The following PCLO variants were observed in gnomAD, a reference collection of about 807,000 sequenced individuals.
The protein encoded by PCLO is piccolo presynaptic cytomatrix protein, also known as protein piccolo.
Under a neutral mutation model 427.5 loss-of-function variants are expected in PCLO, and 82 were observed. The ratio of observed to expected loss-of-function variants is 0.19; its 90% confidence interval spans 0.16 to 0.23. PCLO has a LOEUF of 0.23. Ranked by LOEUF, PCLO falls within the 10% of genes least tolerant of loss-of-function variation. The pLI, the probability that PCLO is intolerant of heterozygous loss-of-function variation, is 1.00. For synonymous variants in PCLO, 2,357 were observed against 2,155.4 expected, an observed-to-expected ratio of 1.09 and a Z score of -2.59; for missense variants, 6,239 against 6,115.9, an observed-to-expected ratio of 1.02 and a Z score of -0.67.
intron 10 of PCLO, among the ~76,000 whole-genome samples, chr7:82,873,787 T>G (rs1793298739): frequency 6.6e-6 from 1 of 151,112 alleles, no homozygotes; most frequent in African/African-American, 2.4e-5. Flanking sequence ...ACTCAGTCAC[T>G]GCACAGGAAG....
intron 22 of PCLO, among the ~76,000 whole-genome samples, chr7:82,790,843 A>G (rs1367286809): frequency 3.9e-5 from 6 of 152,232 alleles, no homozygotes; most frequent in Non-Finnish European, 8.8e-5. Context: ...TAAAACCTGT[A>G]TAACAACATA....
intron 3 of PCLO, among the ~76,000 whole-genome samples, chr7:83,099,846 GTT>G (rs1175703864): frequency 2.2e-5 from 1 of 45,176 alleles, no homozygotes; most frequent in Non-Finnish European, 4.2e-5. Flanking sequence ...TTCTGCTGCT[GTT>G]GTCGTTAAAT....
intron 3 of PCLO, among the ~76,000 whole-genome samples, chr7:83,093,492 A>ATATATTTT: frequency 6.1e-4 from 36 of 59,230 alleles, no homozygotes; most frequent in East Asian, 2.2e-3. Flanking sequence ...ATATATATAT[A>ATATATTTT]TTTTTTTTTT....
At chr7:82,874,944 A>G (rs1793334576) in intron 10 of PCLO, among the ~76,000 whole-genome samples, 1 of 152,192 alleles carries the variant, frequency 6.6e-6, no homozygotes, top group African/African-American at 2.4e-5. Context: ...TTAAAATTGT[A>G]ATCCTAAATC....
At chr7:83,050,002 C>T (rs532770353) in intron 3 of PCLO, among the ~76,000 whole-genome samples, 3 of 150,720 alleles carry the variant, frequency 2.0e-5, no homozygotes, top group Non-Finnish European at 3.0e-5. Context: ...TATGATCTTC[C>T]GCTTCCTGAC....
intron 6 of PCLO, among the ~76,000 whole-genome samples, chr7:82,944,534 T>C (rs1291053971): frequency 2.6e-5 from 4 of 151,696 alleles, no homozygotes; most frequent in Admixed American, 6.6e-5. Flanking sequence ...GCCATAGAGA[T>C]AGAGTACTAA....
intron 2 of PCLO, among the ~76,000 whole-genome samples, chr7:83,139,477 C>A (rs1256646948): frequency 6.6e-6 from 1 of 152,106 alleles, no homozygotes; most frequent in Admixed American, 6.5e-5. Flanking sequence ...TGATGTATAT[C>A]AACACTGGGA....
At chr7:82,937,024 T>C (rs7784482) in intron 6 of PCLO, among the ~76,000 whole-genome samples, 4,024 of 151,670 alleles carry the variant, frequency 0.027, 187 homozygotes, top group African/African-American at 0.092. Context: ...GCTGAATGGG[T>C]ATAGGATTTT....
At chr7:82,827,029 TAAATGTTTCA>T (rs1243168648) in intron 17 of PCLO, among the ~76,000 whole-genome samples, 1 of 152,102 alleles carries the variant, frequency 6.6e-6, no homozygotes, top group Non-Finnish European at 1.5e-5. Flanking sequence ...AGTATTGGAT[TAAATGTTTCA>T]GCAATTTCCA....
At chr7:82,948,998 T>A (rs1359808632) in intron 6 of PCLO, among the ~76,000 whole-genome samples, 1 of 152,172 alleles carries the variant, frequency 6.6e-6, no homozygotes, top group Non-Finnish European at 1.5e-5. Context: ...ACTGACCAGA[T>A]AATTTCTAAG....
At chr7:83,037,780 T>C (rs1291202712) in intron 3 of PCLO, among the ~76,000 whole-genome samples, 1 of 150,610 alleles carries the variant, frequency 6.6e-6, no homozygotes, top group African/African-American at 2.4e-5. Flanking sequence ...CACTATTTAA[T>C]TCCATTTTAA....
chr7:82,822,180 A>T, intron 20 of PCLO: 1 of 1,134,956 alleles, frequency 8.8e-7, no homozygotes, highest in Non-Finnish European at 1.1e-6. Context: ...TTTAAGCGCA[A>T]ACAAAAAGGA....
At chr7:83,116,923 T>C (rs1308979455) in intron 3 of PCLO, among the ~76,000 whole-genome samples, 2 of 152,086 alleles carry the variant, frequency 1.3e-5, no homozygotes, top group East Asian at 1.9e-4. Flanking sequence ...CAATATCCAA[T>C]ATATGGAATC....
chr7:82,787,046 T>C (rs1401678599), intron 22 of PCLO, among the ~76,000 whole-genome samples: 3 of 152,140 alleles, frequency 2.0e-5, no homozygotes, highest in African/African-American at 7.2e-5. Context: ...ACAATAAACA[T>C]ACGTGTGCAT....
intron 20 of PCLO, among the ~76,000 whole-genome samples, chr7:82,819,920 A>AT (rs756949180): frequency 2.0e-5 from 3 of 152,144 alleles, no homozygotes; most frequent in Non-Finnish European, 4.4e-5. Context: ...GTACTATCCT[A>AT]TTTTAAAAAA....
At chr7:83,122,365 A>C (rs1432198486) in intron 3 of PCLO, among the ~76,000 whole-genome samples, 5 of 149,086 alleles carry the variant, frequency 3.4e-5, no homozygotes, top group African/African-American at 1.2e-4. Flanking sequence ...GGTTCACTGC[A>C]ACCTCTGACT....
chr7:82,806,670 G>C (rs1208245412), intron 20 of PCLO, among the ~76,000 whole-genome samples: 1 of 152,178 alleles, frequency 6.6e-6, no homozygotes, highest in Non-Finnish European at 1.5e-5. Context: ...TCTTCCGCCA[G>C]AGAGAGTGAA....
chr7:82,872,945 GTGGATACATACATAACAC>G (rs889998813), intron 10 of PCLO, among the ~76,000 whole-genome samples: 3 of 152,102 alleles, frequency 2.0e-5, no homozygotes, highest in African/African-American at 7.2e-5. Context: ...TTATATAGTT[GTGGATACATACATAACAC>G]TGCAAAGAAA....
At chr7:83,101,711 T>C (rs1199410635) in intron 3 of PCLO, among the ~76,000 whole-genome samples, 2 of 152,090 alleles carry the variant, frequency 1.3e-5, no homozygotes, top group South Asian at 2.1e-4. Flanking sequence ...CTGAAATCTG[T>C]TGCTTCTAAG....
Sources: allele counts gnomAD v4.1 joint callset (sites outside exome capture counted in the v4.1 genomes callset), GRCh38; gene constraint gnomAD v4.1.1; transcripts MANE v1.5; gene names NCBI Gene and HGNC (gene_info 2026-07-23, HGNC 2026-07-21).